The following TRMT11 variants were observed in gnomAD, a reference collection of about 807,000 sequenced individuals.
The protein encoded by TRMT11 is tRNA methyltransferase 11.
In TRMT11, 53 loss-of-function variants were observed where a neutral mutation model predicts 62.8. That is an observed-to-expected ratio of 0.84 (90% confidence interval 0.68 to 1.06). TRMT11 has a LOEUF of 1.06. TRMT11 is among the 50% of genes least tolerant of loss of function. TRMT11 has a pLI of 0.00. For synonymous variants in TRMT11, 188 were observed against 190.3 expected, an observed-to-expected ratio of 0.99 and a Z score of 0.10; for missense variants, 556 against 553.4, an observed-to-expected ratio of 1.00 and a Z score of -0.05.
At position 126,031,023 on chromosome 6, in the gene TRMT11, C is replaced by T. The variant is rs867822378; in HGVS notation, c.1261-7682C>T. 3.9e-5 allele frequency among the ~76,000 whole-genome samples: 6 copies of T among 152,078 alleles called. No homozygotes were observed. In the South Asian group the frequency reaches 1.0e-3, roughly 26 times the overall value. The stretch of plus-strand genomic sequence containing the variant: ...CAGGAGATGAGACTTTACAGTGAAG[C>T]GAGTAGGAGCCAGTTTGTAGTAGAG... On this transcript the variant is annotated intron_variant, in intron 12 of 12. Coordinates refer to ENST00000334379, the MANE Select transcript of TRMT11 (RefSeq NM_001031712.3).
chr6:125,986,791 T>G (rs1583602633), intron 1 of TRMT11, 169 bp downstream of exon 1: 1 of 623,346 alleles, frequency 1.6e-6, no homozygotes, highest in African/African-American at 1.8e-5. Flanking sequence ...TGGCGGAGGG[T>G]GTGTGTGAGA....
At chr6:126,015,517 C>T (rs974826494) in intron 11 of TRMT11, among the ~76,000 whole-genome samples, 6 of 152,118 alleles carry the variant, frequency 3.9e-5, no homozygotes, top group Non-Finnish European at 8.8e-5. Flanking sequence ...TGCGCCCAGC[C>T]TATCACTAAT....
At chr6:126,122,954 T>C (rs1399635748) in intron 21 of TRMT11, among the ~76,000 whole-genome samples, 1 of 152,128 alleles carries the variant, frequency 6.6e-6, no homozygotes, top group Admixed American at 6.6e-5. Flanking sequence ...TCTGTGAACC[T>C]CTTAAATAAT....
rs890805408 is a variant in TRMT11 at position 126,083,892 on chromosome 6, C to G, written c.*1438-28974C>G. Reference sequence around the variant, plus strand: ...TCTGTGTCTCATAATGTTCTCCAGTCTGATGCATATTGTGGCAAATGGCAA... The same window carrying G: ...TCTGTGTCTCATAATGTTCTCCAGTGTGATGCATATTGTGGCAAATGGCAA... On this transcript the variant is annotated intron_variant and NMD_transcript_variant, in intron 17 of 22. Transcript: ENST00000648977. 3.3e-5 allele frequency among the ~76,000 whole-genome samples: 5 copies of G among 152,096 alleles called. No homozygotes were observed. In the South Asian group the frequency reaches 1.0e-3, roughly 31 times the overall value.
chr6:126,080,302 G>T (rs189292369), intron 17 of TRMT11, among the ~76,000 whole-genome samples: 3 of 151,912 alleles, frequency 2.0e-5, no homozygotes, highest in African/African-American at 2.4e-5. Flanking sequence ...GTAGAGAAAG[G>T]GTCTCACTGT....
At chr6:126,037,226 T>TA (rs1348949725) in intron 12 of TRMT11, among the ~76,000 whole-genome samples, 3 of 152,088 alleles carry the variant, frequency 2.0e-5, no homozygotes, top group African/African-American at 7.2e-5. Flanking sequence ...CTCTGCCACT[T>TA]ACCAGGTGTA....
chr6:126,038,599 C>T, intron 12 of TRMT11, 106 bp from the exon 13 acceptor site: 1 of 905,560 alleles, frequency 1.1e-6, no homozygotes, highest in Non-Finnish European at 1.6e-6. Flanking sequence ...TAAATATGCA[C>T]TAGAGAGTGA....
rs1220118685 is a variant in TRMT11 at position 126,169,309 on chromosome 6, CT to C, written c.*1824-5515del. ...ATATTTTTTTTTCTTCCTTGAGACTCTAAGTGATGTTTTGGAATTGGAAATG... is the reference window on the plus strand; with the variant it reads ...ATATTTTTTTTTCTTCCTTGAGACTCAAGTGATGTTTTGGAATTGGAAATG... On this transcript the variant is annotated intron_variant and NMD_transcript_variant, in intron 21 of 22. Coordinates refer to the TRMT11 transcript ENST00000648977. Among the ~76,000 whole-genome samples, 8 of 152,070 alleles carry C rather than the reference CT, an allele frequency of 5.3e-5. No homozygotes were observed. The South Asian group carries it at 1.2e-3, about 24-fold the overall frequency.
At chr6:126,095,202 A>G (rs1348018300) in intron 17 of TRMT11, among the ~76,000 whole-genome samples, 1 of 152,214 alleles carries the variant, frequency 6.6e-6, no homozygotes, top group Non-Finnish European at 1.5e-5. Context: ...TAATCAACAC[A>G]CAATGGATAA....
downstream of TRMT11, among the ~76,000 whole-genome samples, chr6:126,043,035 C>CT (rs1411842502): frequency 6.6e-6 from 1 of 151,732 alleles, no homozygotes; most frequent in Non-Finnish European, 1.5e-5. Context: ...TTCCATTTTT[C>CT]TTTTTTCTTT....
intron 17 of TRMT11, among the ~76,000 whole-genome samples, chr6:126,076,926 A>G (rs774609261): frequency 6.6e-5 from 10 of 152,196 alleles, no homozygotes; most frequent in East Asian, 1.9e-4. Flanking sequence ...CTCTATTCTG[A>G]TCATCTCCAC....
chr6:126,242,927 G>A, the TRMT11 span, among the ~76,000 whole-genome samples: 1 of 152,130 alleles, frequency 6.6e-6, no homozygotes, highest in African/African-American at 2.4e-5. Context: ...AGCCAAAATT[G>A]ACAAATGGGA....
At chr6:126,130,961 A>T (rs1294431554) in intron 21 of TRMT11, among the ~76,000 whole-genome samples, 1 of 152,130 alleles carries the variant, frequency 6.6e-6, no homozygotes, top group Non-Finnish European at 1.5e-5. Flanking sequence ...GTTATTATCT[A>T]TTAGCCTTCA....
the TRMT11 span, among the ~76,000 whole-genome samples, chr6:126,233,146 C>A: frequency 6.6e-6 from 1 of 152,156 alleles, no homozygotes; most frequent in African/African-American, 2.4e-5. Context: ...TAATTTGTAC[C>A]AAATCACATT....
chr6:126,013,186 C>T, intron 11 of TRMT11, 85 bp downstream of exon 11: 2 of 1,195,566 alleles, frequency 1.7e-6, no homozygotes, highest in Non-Finnish European at 2.4e-6. Context: ...TCTCTTCTTG[C>T]ATTTGGTGCA....
chr6:126,029,625 A>T (rs1356658645), intron 12 of TRMT11, among the ~76,000 whole-genome samples: 2 of 152,186 alleles, frequency 1.3e-5, no homozygotes, highest in Non-Finnish European at 2.9e-5. Flanking sequence ...AAGTGAGAGC[A>T]TATATATGTG....
downstream of TRMT11, among the ~76,000 whole-genome samples, chr6:126,043,464 T>G (rs1775945387): frequency 6.6e-6 from 1 of 150,638 alleles, no homozygotes; most frequent in South Asian, 2.1e-4. Context: ...TGTTGGACAT[T>G]TGGGTTGGTT....
chr6:126,178,194 A>C (rs968604731), intron 1 of TRMT11, among the ~76,000 whole-genome samples: 2 of 152,216 alleles, frequency 1.3e-5, no homozygotes, highest in African/African-American at 4.8e-5. Flanking sequence ...TAGGCACTGG[A>C]TGCAACACTC....
intron 12 of TRMT11, among the ~76,000 whole-genome samples, chr6:126,035,419 A>C (rs1775004964): frequency 6.6e-6 from 1 of 152,092 alleles, no homozygotes; most frequent in Non-Finnish European, 1.5e-5. Flanking sequence ...TAAATGATAG[A>C]TGTTGTGTTT....
Sources: allele counts gnomAD v4.1 joint callset (sites outside exome capture counted in the v4.1 genomes callset), GRCh38; gene constraint gnomAD v4.1.1; transcripts MANE v1.5; gene names NCBI Gene and HGNC (gene_info 2026-07-23, HGNC 2026-07-21).